Variants in TANGO6 observed in about 807,000 individuals in gnomAD.
The protein encoded by TANGO6 is transport and Golgi organization protein 6 homolog.
TANGO6 carries 90 observed loss-of-function variants against 114.2 expected under a neutral mutation model. The observed-to-expected ratio is 0.79, with a 90% CI of 0.66 to 0.94. The LOEUF is 0.94. Among genes scored for constraint, TANGO6 ranks in the 40% least tolerant of loss-of-function variants. TANGO6 has a pLI of 0.00. For missense variants in TANGO6, 1,274 were observed against 1,315.3 expected (o/e 0.97, Z 0.49); for synonymous variants, 477 against 509.8 (o/e 0.94, Z 0.87).
chr16:68,895,469 C>T (rs1190351025), intron 7 of TANGO6, among the ~76,000 whole-genome samples: 3 of 152,242 alleles, frequency 2.0e-5, no homozygotes, highest in Non-Finnish European at 4.4e-5. Context: ...TCATAATCTA[C>T]TCTGATAGGT....
intron 17 of TANGO6, among the ~76,000 whole-genome samples, chr16:69,076,799 C>G (rs1315234293): frequency 1.3e-5 from 2 of 152,152 alleles, no homozygotes; most frequent in Admixed American, 6.6e-5. Flanking sequence ...TGCAAATGCT[C>G]TGGCAAAGAG....
intron 7 of TANGO6, among the ~76,000 whole-genome samples, chr16:68,886,756 C>T (rs1292767631): frequency 6.6e-6 from 1 of 152,068 alleles, no homozygotes; most frequent in Admixed American, 6.5e-5. Flanking sequence ...GGTGATCCAC[C>T]TGCCTCAGCC....
intron 15 of TANGO6, among the ~76,000 whole-genome samples, chr16:68,983,441 G>A (rs1342062698): frequency 6.6e-6 from 1 of 152,082 alleles, no homozygotes; most frequent in Admixed American, 6.6e-5. Context: ...TAATTGAGTA[G>A]CCACTGAGTG....
At chr16:69,064,330 G>A (rs1353819563) in intron 17 of TANGO6, among the ~76,000 whole-genome samples, 1 of 152,128 alleles carries the variant, frequency 6.6e-6, no homozygotes, top group Admixed American at 6.6e-5. Context: ...GAATTCCAGT[G>A]AGCAAATGCC....
intron 16 of TANGO6, chr16:69,025,926 T>A: frequency 4.5e-6 from 1 of 222,992 alleles, no homozygotes. Flanking sequence ...AAACTTCTTC[T>A]ATTTCTAGTT....
chr16:69,022,871 C>T lies in TANGO6; in HGVS notation c.2886C>T (p.Phe962=), dbSNP rs1053048009. The T allele has an allele frequency of 1.9e-6, 3 of 1,593,202 alleles. No homozygotes were observed. The highest frequency in any genetic ancestry group is 3.6e-5 in the Admixed American group (2 of 56,144). ...ACCGAGAACCTTTGATCCATACCTTCCTGAGGGGAGTGAGAGATCCTGATG... is the reference window on the plus strand; with the variant it reads ...ACCGAGAACCTTTGATCCATACCTTTCTGAGGGGAGTGAGAGATCCTGATG... ...SKYREPLIHT[F]LRGVRDPDGA... Residue 962 remains phenylalanine (F), a synonymous_variant, in exon 16 of 18, where the codon TTC becomes TTT. Coordinates refer to ENST00000261778, the MANE Select transcript of TANGO6 (RefSeq NM_024562.2).
chr16:68,949,939 A>G (rs538751348), intron 14 of TANGO6, among the ~76,000 whole-genome samples: 64 of 152,332 alleles, frequency 4.2e-4, no homozygotes, highest in African/African-American at 1.4e-3. Flanking sequence ...ATGTATGTAC[A>G]CAGTGGAATA....
At chr16:68,883,193 C>G (rs1291736758) in intron 7 of TANGO6, among the ~76,000 whole-genome samples, 1 of 151,728 alleles carries the variant, frequency 6.6e-6, no homozygotes, top group East Asian at 1.9e-4. Context: ...CAAGACTCTG[C>G]CTCAAAAAAA....
chr16:68,920,258 A>G (rs1963071705), intron 12 of TANGO6, among the ~76,000 whole-genome samples: 1 of 152,240 alleles, frequency 6.6e-6, no homozygotes, highest in Admixed American at 6.5e-5. Context: ...AAGAGCACAT[A>G]ACATCTAACC....
chr16:68,846,296 G>C (rs143956936), intron 1 of TANGO6, among the ~76,000 whole-genome samples: 104 of 152,126 alleles, frequency 6.8e-4, no homozygotes, highest in Middle Eastern at 6.8e-3. Flanking sequence ...AGAGTACTAG[G>C]ATTAGGATTA....
At chr16:69,061,875 C>T (rs907570813) in intron 17 of TANGO6, among the ~76,000 whole-genome samples, 6 of 151,824 alleles carry the variant, frequency 4.0e-5, no homozygotes, top group Non-Finnish European at 7.4e-5. Context: ...AAAAATTAGC[C>T]GGGCATGGTG....
chr16:68,998,730 CAA>C (rs1180827047), intron 15 of TANGO6, among the ~76,000 whole-genome samples: 46 of 81,310 alleles, frequency 5.7e-4, no homozygotes, highest in African/African-American at 1.7e-3. Context: ...GACTCCATCT[CAA>C]AAAAAAAAAA....
At chr16:68,936,931 C>T (rs1393873828) in intron 14 of TANGO6, among the ~76,000 whole-genome samples, 2 of 152,180 alleles carry the variant, frequency 1.3e-5, no homozygotes, top group Non-Finnish European at 2.9e-5. Flanking sequence ...CTCTTCCACC[C>T]TCTTCCTTTC....
At chr16:69,055,497 G>A (rs1260208827) in intron 17 of TANGO6, among the ~76,000 whole-genome samples, 1 of 152,206 alleles carries the variant, frequency 6.6e-6, no homozygotes, top group East Asian at 1.9e-4. Context: ...ATTCTAGAAA[G>A]GAGTCTTAAT....
chr16:68,844,146 G>A (rs368855808), intron 1 of TANGO6, among the ~76,000 whole-genome samples: 51 of 152,282 alleles, frequency 3.3e-4, no homozygotes, highest in African/African-American at 1.2e-3. Context: ...AAGAAGTCCA[G>A]ACATCGGAAG....
intron 14 of TANGO6, among the ~76,000 whole-genome samples, chr16:68,964,439 A>T (rs1186796451): frequency 6.6e-6 from 1 of 152,162 alleles, no homozygotes; most frequent in South Asian, 2.1e-4. Context: ...GAATTATTCA[A>T]TGAGTGTATA....
chr16:68,963,707 C>A (rs770020691), intron 14 of TANGO6, among the ~76,000 whole-genome samples: 2 of 152,224 alleles, frequency 1.3e-5, no homozygotes, highest in African/African-American at 2.4e-5. Flanking sequence ...CTGTTTACTG[C>A]TGACCATGTG....
Position 69,063,318 on chromosome 16 carries a change from G to GA in TANGO6, c.3109-20167_3109-20166insA, listed in dbSNP as rs1159137905. Among the ~76,000 whole-genome samples the GA allele has an allele frequency of 5.9e-5, 9 of 151,486 alleles. No homozygotes were observed. The South Asian group carries it at 1.3e-3, about 21-fold the overall frequency. ...AGGCGGGCGGATCACGAGGTCAGGA[G>GA]TCAAGACCATCCTGGCTAACACAGT... is the stretch of plus-strand genomic sequence containing the variant. On this transcript the variant is annotated intron_variant, in intron 17 of 17. Transcript: ENST00000261778.
intron 4 of TANGO6, among the ~76,000 whole-genome samples, chr16:68,869,806 T>C (rs865894062): frequency 6.6e-6 from 1 of 152,220 alleles, no homozygotes; most frequent in Non-Finnish European, 1.5e-5. Context: ...AGAGGGAAGA[T>C]AGTTATAGGC....
Sources: gnomAD v4.1 joint callset for allele counts (sites outside exome capture counted in the v4.1 genomes callset) on GRCh38, gnomAD v4.1.1 for gene constraint, MANE v1.5 for transcripts, NCBI Gene and HGNC (gene_info 2026-07-23, HGNC 2026-07-21) for gene names.